TBX18: variants seen among roughly 807,000 people sequenced by gnomAD.
TBX18 encodes the protein T-box transcription factor 18, also known as T-box transcription factor TBX18.
TBX18 carries 21 observed loss-of-function variants against 55.0 expected under a neutral mutation model. The observed-to-expected ratio is 0.38, with a 90% CI of 0.27 to 0.55. The LOEUF is 0.55. Ranked by LOEUF, TBX18 falls within the 20% of genes least tolerant of loss-of-function variation. TBX18 has a pLI of 0.73. For missense variants in TBX18, 840 were observed against 799.6 expected, an observed-to-expected ratio of 1.05 and a Z score of -0.61; for synonymous variants, 342 against 326.1, an observed-to-expected ratio of 1.05 and a Z score of -0.53.
intron 6 of TBX18, among the ~76,000 whole-genome samples, chr6:84,739,736 T>G (rs1199098046): frequency 6.6e-6 from 1 of 152,128 alleles, no homozygotes; most frequent in African/African-American, 2.4e-5. Flanking sequence ...AAACTAAGAC[T>G]AGAGGAATCC....
rs915924625 is a variant in TBX18 at position 84,735,164 on chromosome 6, A to T, written c.*1521T>A. ...AATCATGCTCTTTTGCTTAAGATACATGAAATGTAATGAATGGGTCAATGC... is the reference window on the plus strand; with the variant it reads ...AATCATGCTCTTTTGCTTAAGATACTTGAAATGTAATGAATGGGTCAATGC... On this transcript the variant is annotated 3_prime_UTR_variant, in exon 8 of 8. Transcript: ENST00000369663. 2 of 152,334 alleles carry T rather than the reference A, an allele frequency of 1.3e-5. No homozygotes were observed. The highest frequency in any genetic ancestry group is 6.5e-5 in the Admixed American group (1 of 15,304). The allele number at this position is 152,334 out of a possible 1,614,324, so 9.4% of individuals were successfully genotyped here. A position where few individuals can be genotyped will look rare whatever the true frequency, so the allele number is the denominator to read the frequency against.
intron 6 of TBX18, among the ~76,000 whole-genome samples, chr6:84,743,937 T>C (rs555278355): frequency 6.6e-6 from 1 of 152,280 alleles, no homozygotes; most frequent in Admixed American, 6.5e-5. Context: ...AAACCAATAG[T>C]AGAGGCAGAG....
rs758214068 is a variant in TBX18 at position 84,744,315 on chromosome 6, A to G, written c.950T>C (p.Leu317Pro). 6.2e-7 allele frequency: 1 copy of G among 1,612,954 alleles called. No homozygotes were observed. Among genetic ancestry groups the G allele is most frequent in the Non-Finnish European group, 8.5e-7 (1 of 1,179,364 alleles). The change falls in exon 6 of 8, where the codon CTG (leucine) becomes CCG (proline). Residue 317 changes from leucine (L) to proline (P), a missense_variant. Leu to Pro is a moderately conservative substitution (Grantham distance 98). Coordinates refer to ENST00000369663, the MANE Select transcript of TBX18 (RefSeq NM_001080508.3). ...AGCAAATGGATTCCTATCTATCTTC[A>G]GGCGAGTAATCTGCAGAGTAGGAAA... ...TAYQNQQITR[L>P]KIDRNPFAKG...
At chr6:84,745,254 A>G (rs1289935342) in intron 5 of TBX18, among the ~76,000 whole-genome samples, 1 of 152,120 alleles carries the variant, frequency 6.6e-6, no homozygotes, top group African/African-American at 2.4e-5. Context: ...TTTTTTAGTT[A>G]TGCCATCCTG....
In TBX18 at chr6:84,751,703, T is replaced by G. The variant is rs145636572; in HGVS notation, c.772-3616A>C. Reference sequence around the variant, plus strand: ...ACCATGCTGCACACTTGCACAGATTTGGCAGAGTAAAAGTAGGAATTGAGG... The same window carrying G: ...ACCATGCTGCACACTTGCACAGATTGGGCAGAGTAAAAGTAGGAATTGAGG... On this transcript the variant is annotated intron_variant, in intron 4 of 7. Transcript: ENST00000369663. Among the ~76,000 whole-genome samples the G allele has an allele frequency of 3.9e-4, 60 of 152,330 alleles. No homozygotes were observed. The East Asian group carries it at 0.011, about 27-fold the overall frequency.
Position 84,763,413 on chromosome 6 carries a change from C to A in TBX18, c.292+477G>T, listed in dbSNP as rs541914625. ...AATCAAGAGGAGAAGGGAAGGGAAC[C>A]GCTCAACTACCCTTCGGGAAACCAA... On this transcript the variant is annotated intron_variant, in intron 1 of 7. Coordinates refer to ENST00000369663, the MANE Select transcript of TBX18 (RefSeq NM_001080508.3). The A allele has an allele frequency of 5.8e-4, 264 of 458,620 alleles. 4 individuals carry two copies. The highest frequency in any genetic ancestry group is 4.0e-3 in the South Asian group (260 of 64,570). 28.4% of individuals were successfully genotyped at this position (458,620 alleles called of 1,614,324 possible). A position where few individuals can be genotyped will look rare whatever the true frequency, so the allele number is the denominator to read the frequency against.
chr6:84,755,408 A>C lies in TBX18; in HGVS notation c.771+1290T>G, dbSNP rs184229972. On this transcript the variant is annotated intron_variant, in intron 4 of 7. Coordinates refer to ENST00000369663, the MANE Select transcript of TBX18 (RefSeq NM_001080508.3). ...AACATTGTCTAAAATGTTCTATTCC[A>C]AAAAAAAGTCCTTCAATGAATGTGC... Among the ~76,000 whole-genome samples, 439 of 152,088 alleles carry C rather than the reference A, an allele frequency of 2.9e-3. 3 individuals carry two copies. The highest frequency in any genetic ancestry group is 9.0e-3 in the African/African-American group (375 of 41,524).
intron 4 of TBX18, 54 bp downstream of exon 4, chr6:84,756,644 A>G: frequency 6.6e-7 from 1 of 1,504,212 alleles, no homozygotes; most frequent in Non-Finnish European, 9.2e-7. Context: ...AGTCAGGCAC[A>G]GTGTAGATGT....
intron 7 of TBX18, 72 bp from the exon 8 acceptor site, chr6:84,737,481 T>C (rs1766913223): frequency 1.4e-5 from 20 of 1,453,054 alleles, no homozygotes; most frequent in Non-Finnish European, 1.8e-5. Flanking sequence ...AAATATGAGC[T>C]AGACACAGCT....
intron 2 of TBX18, among the ~76,000 whole-genome samples, chr6:84,761,530 T>C (rs2127881980): frequency 6.6e-6 from 1 of 152,204 alleles, no homozygotes; most frequent in East Asian, 1.9e-4. Context: ...AGGTAGCATA[T>C]GGATTCAATA....
rs1554218928 is a variant in TBX18 at position 84,736,627 on chromosome 6, A to T, written c.*58T>A. The stretch of plus-strand genomic sequence containing the variant: ...AGAGTTTCTTTCCACATAGCTTTTA[A>T]AAAAGAAAAAGAAAATATGTTAGAC... On this transcript the variant is annotated 3_prime_UTR_variant, in exon 8 of 8. Coordinates refer to ENST00000369663, the MANE Select transcript of TBX18 (RefSeq NM_001080508.3). 1 of 1,461,870 alleles carries T rather than the reference A, an allele frequency of 6.8e-7. No individual in the cohort carries two copies. The highest frequency in any genetic ancestry group is 9.0e-7 in the Non-Finnish European group (1 of 1,106,266). The allele number at this position is 1,461,870 out of a possible 1,614,324, so 90.6% of individuals were successfully genotyped here. A position where few individuals can be genotyped will look rare whatever the true frequency, so the allele number is the denominator to read the frequency against.
chr6:84,738,865 C>T (rs577440899), intron 6 of TBX18, among the ~76,000 whole-genome samples: 3 of 152,268 alleles, frequency 2.0e-5, no homozygotes, highest in East Asian at 1.9e-4. Context: ...AAGCTGTTCC[C>T]TTGGGCTAAG....
chr6:84,752,640 G>A (rs1328907528), intron 4 of TBX18, among the ~76,000 whole-genome samples: 1 of 152,124 alleles, frequency 6.6e-6, no homozygotes, highest in Non-Finnish European at 1.5e-5. Context: ...AAAGTGACTT[G>A]CCAACAAACA....
chr6:84,764,361 C>G lies in TBX18; in HGVS notation c.-180G>C, dbSNP rs546834429. 1 of 920,568 alleles carries G rather than the reference C, an allele frequency of 1.1e-6. No individual in the cohort carries two copies. Among genetic ancestry groups the G allele is most frequent in the Non-Finnish European group, 1.5e-6 (1 of 668,408 alleles). The allele number at this position is 920,568 out of a possible 1,614,324, so 57.0% of individuals were successfully genotyped here. On this transcript the variant is annotated 5_prime_UTR_variant, in exon 1 of 8. Transcript: ENST00000369663. ...TCCGCTTTCTCGCTTGTGTTGGGAT[C>G]CAGGAACCGGCGACGCGCCGGCCAA...
chr6:84,759,176 CTTAT>C (rs1767577791), intron 3 of TBX18, among the ~76,000 whole-genome samples: 1 of 152,074 alleles, frequency 6.6e-6, no homozygotes, highest in South Asian at 2.1e-4. Flanking sequence ...TCCCTAATGA[CTTAT>C]TTAATTAAAA....
chr6:84,763,538 C>T lies in TBX18; in HGVS notation c.292+352G>A, dbSNP rs555418509. 155 of 529,214 alleles carry T rather than the reference C, an allele frequency of 2.9e-4. 1 individual carries two copies. Among genetic ancestry groups the T allele is most frequent in the South Asian group, 2.1e-3 (137 of 64,818 alleles). 32.8% of individuals were successfully genotyped at this position (529,214 alleles called of 1,614,324 possible). On this transcript the variant is annotated intron_variant, in intron 1 of 7. Coordinates refer to ENST00000369663, the MANE Select transcript of TBX18 (RefSeq NM_001080508.3). ...ATGCCGTCGCTCCCCTCCTCCCCGC[C>T]CTGTGCTTTTAAAAGTTAGGAAACA... is the stretch of plus-strand genomic sequence containing the variant.
rs779984316 is a variant in TBX18 at position 84,744,319 on chromosome 6, G to T, written c.946C>A (p.Arg316Ser). 6.2e-7 allele frequency: 1 copy of T among 1,612,290 alleles called. No homozygotes were observed. The highest frequency in any genetic ancestry group is 8.5e-7 in the Non-Finnish European group (1 of 1,179,108). ...AATGGATTCCTATCTATCTTCAGGC[G>T]AGTAATCTGCAGAGTAGGAAAAAAA... ...VTAYQNQQIT[R>S]LKIDRNPFAK... Residue 316 changes from arginine to serine, a missense_variant, in exon 6 of 8, where the codon CGC becomes AGC. Physicochemically the swap from Arg to Ser is moderately radical, Grantham distance 110 (BLOSUM62 -1). Coordinates refer to ENST00000369663, the MANE Select transcript of TBX18 (RefSeq NM_001080508.3).
In TBX18 at chr6:84,736,696, G is replaced by A. The variant is rs768512752; in HGVS notation, c.1813C>T (p.His605Tyr). Reference sequence around the variant, plus strand: ...ACTTAAAGGCTTCATCAGACCATATGTGCAGATACTTGAGATGATGACAGA... The same window carrying A: ...ACTTAAAGGCTTCATCAGACCATATATGCAGATACTTGAGATGATGACAGA... ...LTLSSSQVSA[H>Y]MV Residue 605 changes from histidine (H) to tyrosine (Y), a missense_variant, in exon 8 of 8, where the codon CAT becomes TAT. His to Tyr is a moderately conservative substitution (Grantham distance 83). Coordinates refer to ENST00000369663, the MANE Select transcript of TBX18 (RefSeq NM_001080508.3). The A allele has an allele frequency of 5.7e-5, 90 of 1,568,102 alleles. No individual in the cohort carries two copies. In the South Asian group the frequency reaches 1.0e-3, roughly 18 times the overall value.
At position 84,738,465 on chromosome 6, in the gene TBX18, G is replaced by A. The variant is rs774001507; in HGVS notation, c.1099+32C>T. 11 of 1,553,340 alleles carry A rather than the reference G, an allele frequency of 7.1e-6. No homozygotes were observed. The African/African-American group carries it at 1.5e-4, about 21-fold the overall frequency. On this transcript the variant is annotated intron_variant, in intron 7 of 7. Transcript: ENST00000369663. Reference sequence around the variant, plus strand: ...CTGAGTTTCTAGGCAGGAACGGGCTGTATATATGACCCAGGAGACTTTGTG... The same window carrying A: ...CTGAGTTTCTAGGCAGGAACGGGCTATATATATGACCCAGGAGACTTTGTG...
Sources: allele counts gnomAD v4.1 joint callset (sites outside exome capture counted in the v4.1 genomes callset), GRCh38; gene constraint gnomAD v4.1.1; transcripts MANE v1.5; gene names NCBI Gene and HGNC (gene_info 2026-07-23, HGNC 2026-07-21).